PFKFB3: variants seen among roughly 807,000 people sequenced by gnomAD.
PFKFB3 encodes the protein 6-phosphofructo-2-kinase/fructose-2,6-bisphosphatase 3.
Under a neutral mutation model 68.0 loss-of-function variants are expected in PFKFB3, and 33 were observed. That is an observed-to-expected ratio of 0.49 (90% CI 0.37 to 0.65). The LOEUF (loss-of-function observed/expected upper bound fraction) is 0.65, where lower values mean the gene tolerates loss of function less well. Ranked by LOEUF, PFKFB3 falls within the 30% of genes least tolerant of loss-of-function variation. PFKFB3 has a pLI of 0.00. For missense variants in PFKFB3, 586 were observed against 712.2 expected (o/e 0.82, Z 2.02); for synonymous variants, 315 against 288.2 (o/e 1.09, Z -0.94).
downstream of PFKFB3, among the ~76,000 whole-genome samples, chr10:6,254,836 G>GAGAA (rs1846469477): frequency 1.3e-4 from 1 of 7,758 alleles, no homozygotes; most frequent in Non-Finnish European, 4.3e-4. Flanking sequence ...TTTTTTTTTT[G>GAGAA]AGAAAGAATC....
rs1246821308 is a variant in PFKFB3 at position 6,228,742 on chromosome 10, C to T, written c.1515+2377C>T. On this transcript the variant is annotated intron_variant, in intron 14 of 14. Coordinates refer to ENST00000379775, the MANE Select transcript of PFKFB3 (RefSeq NM_004566.4). This position sits in a 1 kb window ranked among gnomAD's most constrained non-coding sequence, Gnocchi z 4.5. The stretch of plus-strand genomic sequence containing the variant: ...GAGCCTCTCCCTCCCCATGAGGACC[C>T]CCCACACCCCAAAAGAGCTCCGAGT... Among the ~76,000 whole-genome samples, 18 of 152,154 alleles carry T rather than the reference C, an allele frequency of 1.2e-4. No homozygotes were observed. The South Asian group carries it at 1.7e-3, about 14-fold the overall frequency.
At chr10:6,261,624 C>T in the PFKFB3 span, among the ~76,000 whole-genome samples, 8 of 151,840 alleles carry the variant, frequency 5.3e-5, no homozygotes, top group East Asian at 7.8e-4. Flanking sequence ...TTTGGGAGGC[C>T]GAGAAGGGCA....
intron 1 of PFKFB3, among the ~76,000 whole-genome samples, chr10:6,177,026 G>A (rs1410723147): frequency 1.3e-5 from 2 of 152,174 alleles, no homozygotes; most frequent in African/African-American, 2.4e-5. Context: ...TGTGGGAGAC[G>A]AGCTTCTTGC....
At chr10:6,156,921 T>C (rs1841820420) in intron 1 of PFKFB3, among the ~76,000 whole-genome samples, 1 of 151,102 alleles carries the variant, frequency 6.6e-6, no homozygotes, top group Admixed American at 6.6e-5. Context: ...GCAAACCCTC[T>C]TCTCTACTAA....
At chr10:6,290,147 C>T in the PFKFB3 span, among the ~76,000 whole-genome samples, 1 of 152,160 alleles carries the variant, frequency 6.6e-6, no homozygotes, top group Non-Finnish European at 1.5e-5. Flanking sequence ...ATGTCATCTG[C>T]AAACAGGGAC....
the PFKFB3 span, among the ~76,000 whole-genome samples, chr10:6,326,214 A>G: frequency 6.6e-6 from 1 of 152,204 alleles, no homozygotes; most frequent in African/African-American, 2.4e-5. Flanking sequence ...GTTCTCACTC[A>G]TAAGTGGGAG....
At chr10:6,146,248 A>T (rs1332424702) in intron 1 of PFKFB3, 3 of 1,450,896 alleles carry the variant, frequency 2.1e-6, no homozygotes, top group Admixed American at 4.8e-5. Flanking sequence ...AGGCACGGCC[A>T]GCGTGATGCT....
chr10:6,244,544 A>G (rs554420916), intron 14 of PFKFB3, among the ~76,000 whole-genome samples: 3 of 152,310 alleles, frequency 2.0e-5, no homozygotes, highest in African/African-American at 7.2e-5. Context: ...AGGTCCTCCT[A>G]CAAAGCACAC....
intron 12 of PFKFB3, 30 bp from the exon 13 acceptor site, chr10:6,224,119 C>T: frequency 6.2e-7 from 1 of 1,613,804 alleles, no homozygotes; most frequent in Non-Finnish European, 8.5e-7. Context: ...TTAACAGCAG[C>T]TTCCTCTGCC....
chr10:6,272,117 G>A, the PFKFB3 span, among the ~76,000 whole-genome samples: 1 of 152,248 alleles, frequency 6.6e-6, no homozygotes, highest in African/African-American at 2.4e-5. Flanking sequence ...TTGCCATTGT[G>A]CATGTATGTT....
At chr10:6,185,867 T>G (rs1472615700) in intron 1 of PFKFB3, among the ~76,000 whole-genome samples, 1 of 152,174 alleles carries the variant, frequency 6.6e-6, no homozygotes, top group Non-Finnish European at 1.5e-5. Flanking sequence ...CTTGAACTCC[T>G]GACCTCAGGT....
At chr10:6,172,861 T>C (rs1052398560) in intron 1 of PFKFB3, among the ~76,000 whole-genome samples, 2 of 151,690 alleles carry the variant, frequency 1.3e-5, no homozygotes, top group African/African-American at 4.8e-5. Flanking sequence ...AGACAACTTG[T>C]CCAGGGAGGG....
rs767735167 is a variant in PFKFB3 at position 6,220,443 on chromosome 10, T to C, written c.624-215T>C. ...CATTTTCTTTCTTTTTTCTCCCCCTTTTCTGGGAGGCAGGCCAGCCTCACA... is the reference window on the plus strand; with the variant it reads ...CATTTTCTTTCTTTTTTCTCCCCCTCTTCTGGGAGGCAGGCCAGCCTCACA... On this transcript the variant is annotated intron_variant, in intron 7 of 14. Coordinates refer to ENST00000379775, the MANE Select transcript of PFKFB3 (RefSeq NM_004566.4). This position sits in a 1 kb window ranked among gnomAD's most constrained non-coding sequence, Gnocchi z 4.1. Among the ~76,000 whole-genome samples the C allele has an allele frequency of 9.9e-5, 15 of 152,158 alleles. No individual in the cohort carries two copies. Among genetic ancestry groups the C allele is most frequent in the Non-Finnish European group, 1.8e-4 (12 of 68,008 alleles).
At chr10:6,324,214 G>C in the PFKFB3 span, among the ~76,000 whole-genome samples, 67,604 of 151,934 alleles carry the variant, frequency 0.44, 16,787 homozygotes, top group Non-Finnish European at 0.56. Flanking sequence ...AGATACAAAC[G>C]ACAGACACCA....
Position 6,215,405 on chromosome 10 carries a change from C to T in PFKFB3, c.299+88C>T, listed in dbSNP as rs1844505968. 1.0e-6 allele frequency: 1 copy of T among 972,954 alleles called. No individual in the cohort carries two copies. Among genetic ancestry groups the T allele is most frequent in the Non-Finnish European group, 1.6e-6 (1 of 620,168 alleles). 60.3% of individuals were successfully genotyped at this position (972,954 alleles called of 1,614,324 possible). Reference sequence around the variant, plus strand: ...GCTGGGCTGCAGGAGTAAGGCTGGGCCGCGGGCGTAGGGCTGGGCTGTGGG... The same window carrying T: ...GCTGGGCTGCAGGAGTAAGGCTGGGTCGCGGGCGTAGGGCTGGGCTGTGGG... On this transcript the variant is annotated intron_variant, in intron 3 of 14. Coordinates refer to ENST00000379775, the MANE Select transcript of PFKFB3 (RefSeq NM_004566.4). The surrounding 1 kb of genome is among the most constrained non-coding windows in gnomAD (Gnocchi z 4.3).
chr10:6,247,844 G>A (rs1846292199), intron 14 of PFKFB3, among the ~76,000 whole-genome samples: 1 of 152,354 alleles, frequency 6.6e-6, no homozygotes, highest in African/African-American at 2.4e-5. Flanking sequence ...GTGGGTTTTA[G>A]TCTTAGAGCA....
At chr10:6,323,984 A>G in the PFKFB3 span, among the ~76,000 whole-genome samples, 2,145 of 152,362 alleles carry the variant, frequency 0.014, 27 homozygotes, top group Middle Eastern at 0.034. Context: ...GCCAAAAGGT[A>G]GAAACAACCC....
chr10:6,293,378 C>T, the PFKFB3 span: 3 of 249,016 alleles, frequency 1.2e-5, no homozygotes, highest in Non-Finnish European at 2.4e-5. Flanking sequence ...TGGAGTCTTA[C>T]TCTGTTGGCC....
intron 10 of PFKFB3, 107 bp from the exon 11 acceptor site, chr10:6,222,748 T>G: frequency 1.7e-6 from 2 of 1,201,048 alleles, no homozygotes; most frequent in Non-Finnish European, 2.3e-6. Context: ...TGATGATGGA[T>G]GATTGATTTT....
Sources: gnomAD v4.1 joint callset for allele counts (sites outside exome capture counted in the v4.1 genomes callset) on GRCh38, gnomAD v4.1.1 for gene constraint, Gnocchi (gnomAD v3.1) non-coding constraint, MANE v1.5 for transcripts, NCBI Gene and HGNC (gene_info 2026-07-23, HGNC 2026-07-21) for gene names.